SEMA3G: variants seen among roughly 807,000 people sequenced by gnomAD.
The protein encoded by SEMA3G is semaphorin-3G.
Under a neutral mutation model 86.2 loss-of-function variants are expected in SEMA3G, and 70 were observed. The observed-to-expected ratio is 0.81, with a 90% CI of 0.67 to 0.99. SEMA3G has a LOEUF of 0.99. Ranked by LOEUF, SEMA3G falls within the 50% of genes least tolerant of loss-of-function variation. The pLI is 0.00. For synonymous variants in SEMA3G, 416 were observed against 441.4 expected (o/e 0.94, Z 0.72); for missense variants, 1,002 against 1,072.4 (o/e 0.93, Z 0.92).
Position 52,440,834 on chromosome 3 carries a change from G to A in SEMA3G, c.929-11C>T, listed in dbSNP as rs1042044881. Reference sequence around the variant, plus strand: ...GCAGGAACACATCCTCTGGGGTAGAGAAAGGAGTATGAGTGTCATGGCCAC... The same window carrying A: ...GCAGGAACACATCCTCTGGGGTAGAAAAAGGAGTATGAGTGTCATGGCCAC... On this transcript the variant is annotated splice_polypyrimidine_tract_variant and intron_variant, in intron 8 of 15. Coordinates refer to ENST00000231721, the MANE Select transcript of SEMA3G (RefSeq NM_020163.3). 4 of 1,611,372 alleles carry A rather than the reference G, an allele frequency of 2.5e-6. No homozygotes were observed. The highest frequency in any genetic ancestry group is 1.7e-5 in the Admixed American group (1 of 59,968).
chr3:52,439,037 C>G, intron 12 of SEMA3G, 76 bp from the exon 13 acceptor site: 1 of 1,526,018 alleles, frequency 6.6e-7, no homozygotes, highest in Non-Finnish European at 8.9e-7. Context: ...TCAGTCTCCT[C>G]CAACCCTGGG....
At position 52,440,947 on chromosome 3, in the gene SEMA3G, G is replaced by A; in HGVS notation, c.915C>T (p.His305=). ...CCAGGCCCTCACCTAGCTGGTCAAA[G>A]TGGGTCTCGGCACCACCAGGGCCGG... ...SVPGPGGAET[H]FDQLEDVFLL... is the part of the protein sequence containing the mutation. Residue 305 remains histidine (H), a synonymous_variant, in exon 8 of 16, where the codon CAC becomes CAT. Coordinates refer to ENST00000231721, the MANE Select transcript of SEMA3G (RefSeq NM_020163.3). 6.2e-7 allele frequency: 1 copy of A among 1,605,398 alleles called. No individual in the cohort carries two copies. The highest frequency in any genetic ancestry group is 8.5e-7 in the Non-Finnish European group (1 of 1,177,366).
chr3:52,444,661 C>A (rs1285406190), intron 1 of SEMA3G, among the ~76,000 whole-genome samples: 1 of 145,702 alleles, frequency 6.9e-6, no homozygotes, highest in Non-Finnish European at 1.5e-5. Context: ...ACAGGGCACA[C>A]GCACACAAAC....
intron 13 of SEMA3G, chr3:52,438,417 G>C (rs969383414): frequency 7.1e-6 from 7 of 985,126 alleles, no homozygotes; most frequent in Admixed American, 1.2e-4. Context: ...CCAAGACCTG[G>C]GATGTTTTCT....
chr3:52,435,887 G>T lies in SEMA3G; in HGVS notation c.2065C>A (p.Pro689Thr). The stretch of plus-strand genomic sequence containing the variant: ...CCTCCCCGGGCTGGGGGCTCCTCTG[G>T]CTTTGGCTCCGGAGGGAACAGGTTG... ...LDNLFPPEPK[P>T]EEPPARGGLA... Residue 689 changes from proline (P) to threonine (T), a missense_variant, in exon 16 of 16, where the codon CCA becomes ACA. Physicochemically the swap from Pro to Thr is conservative, Grantham distance 38. Transcript: ENST00000231721. 1 of 1,614,080 alleles carries T rather than the reference G, an allele frequency of 6.2e-7. No homozygotes were observed. The highest frequency in any genetic ancestry group is 8.5e-7 in the Non-Finnish European group (1 of 1,180,044).
chr3:52,442,328 T>C lies in SEMA3G; in HGVS notation c.340-24A>G, dbSNP rs1446951559. On this transcript the variant is annotated intron_variant, in intron 3 of 15. Coordinates refer to ENST00000231721, the MANE Select transcript of SEMA3G (RefSeq NM_020163.3). This position sits in a 1 kb window ranked among gnomAD's most constrained non-coding sequence, Gnocchi z 6.1. The stretch of plus-strand genomic sequence containing the variant: ...GTCTGCGGGGAGAAGGAGGGGGTGG[T>C]TGAGGGGTGAGAGGGGGTGCCCACC... 1 of 1,556,626 alleles carries C rather than the reference T, an allele frequency of 6.4e-7. No homozygotes were observed. The highest frequency in any genetic ancestry group is 8.7e-7 in the Non-Finnish European group (1 of 1,145,792).
At chr3:52,440,631 A>G in intron 9 of SEMA3G, 110 bp from the exon 10 acceptor site, 1 of 1,470,050 alleles carries the variant, frequency 6.8e-7, no homozygotes, top group Non-Finnish European at 9.3e-7. Flanking sequence ...GCAAGCAGAG[A>G]CTCCGAAAAG....
chr3:52,441,094 G>T, intron 7 of SEMA3G, 46 bp from the exon 8 acceptor site: 1 of 1,512,206 alleles, frequency 6.6e-7, no homozygotes. Flanking sequence ...CACGAGGATG[G>T]GTCCCACCAT....
chr3:52,442,414 T>A lies in SEMA3G; in HGVS notation c.340-110A>T, dbSNP rs1578259311. 1.8e-6 allele frequency: 1 copy of A among 554,826 alleles called. No homozygotes were observed. Among genetic ancestry groups the A allele is most frequent in the Non-Finnish European group, 3.3e-6 (1 of 301,426 alleles). The allele number at this position is 554,826 out of a possible 1,614,324, so 34.4% of individuals were successfully genotyped here. A position where few individuals can be genotyped will look rare whatever the true frequency, so the allele number is the denominator to read the frequency against. On this transcript the variant is annotated intron_variant, in intron 3 of 15. Transcript: ENST00000231721. The surrounding 1 kb of genome is among the most constrained non-coding windows in gnomAD (Gnocchi z 6.1). Reference sequence around the variant, plus strand: ...GGTCAGCTCTGGGGAGGGGGGTGGGTGTGACATTCCCAGCAGACCTTCAAA... The same window carrying A: ...GGTCAGCTCTGGGGAGGGGGGTGGGAGTGACATTCCCAGCAGACCTTCAAA...
intron 15 of SEMA3G, among the ~76,000 whole-genome samples, chr3:52,437,017 G>A (rs1047622782): frequency 6.6e-6 from 1 of 152,228 alleles, no homozygotes; most frequent in African/African-American, 2.4e-5. Flanking sequence ...GAGAGGCCCT[G>A]AGCAGACAGC....
At position 52,442,922 on chromosome 3, in the gene SEMA3G, G is replaced by C; in HGVS notation, c.116-15C>G. On this transcript the variant is annotated splice_polypyrimidine_tract_variant and intron_variant, in intron 1 of 15. Coordinates refer to ENST00000231721, the MANE Select transcript of SEMA3G (RefSeq NM_020163.3). This position sits in a 1 kb window ranked among gnomAD's most constrained non-coding sequence, Gnocchi z 6.1. Reference sequence around the variant, plus strand: ...AGACAGGAGGTCTAGGAGGATGTATGGGGAGGCAGATCAGGGCCACAGCTC... The same window carrying C: ...AGACAGGAGGTCTAGGAGGATGTATCGGGAGGCAGATCAGGGCCACAGCTC... 1.9e-6 allele frequency: 3 copies of C among 1,578,444 alleles called. No homozygotes were observed. The highest frequency in any genetic ancestry group is 2.6e-6 in the Non-Finnish European group (3 of 1,162,060).
rs1362023876 is a variant in SEMA3G, at chr3:52,440,005, G to A, written c.1237C>T (p.Leu413Phe). 3.1e-6 allele frequency: 5 copies of A among 1,612,794 alleles called. No homozygotes were observed. In the East Asian group the frequency reaches 6.7e-5, roughly 22 times the overall value. ...CGAGGCCGCACAGGCCAGAACATGA[G>A]GGGGTGGGCTCGGGCAAACTGCAGC... is the stretch of plus-strand genomic sequence containing the variant. ...EVLQFARAHP[L>F]MFWPVRPRHG... Residue 413 changes from leucine (L) to phenylalanine (F), a missense_variant, in exon 11 of 16, where the codon CTC (leucine) becomes TTC (phenylalanine). Physicochemically the swap from Leu to Phe is conservative, Grantham distance 22. Coordinates refer to ENST00000231721, the MANE Select transcript of SEMA3G (RefSeq NM_020163.3).
intron 13 of SEMA3G, chr3:52,438,418 G>T (rs1706088732): frequency 2.0e-6 from 2 of 985,206 alleles, no homozygotes; most frequent in African/African-American, 3.5e-5. Flanking sequence ...CAAGACCTGG[G>T]ATGTTTTCTC....
At chr3:52,441,104 T>A in intron 7 of SEMA3G, 56 bp from the exon 8 acceptor site, 2 of 1,489,540 alleles carry the variant, frequency 1.3e-6, no homozygotes, top group Admixed American at 1.8e-5. Flanking sequence ...GGTCCCACCA[T>A]CCACTCTTCT....
rs1391279171 is a variant in SEMA3G at position 52,433,655 on chromosome 3, G to A, written c.*1948C>T. 1 of 152,620 alleles carries A rather than the reference G, an allele frequency of 6.6e-6. No individual in the cohort carries two copies. Among genetic ancestry groups the A allele is most frequent in the Non-Finnish European group, 1.5e-5 (1 of 68,040 alleles). The allele number at this position is 152,620 out of a possible 1,614,324, so 9.5% of individuals were successfully genotyped here. A position where few individuals can be genotyped will look rare whatever the true frequency, so the allele number is the denominator to read the frequency against. On this transcript the variant is annotated 3_prime_UTR_variant, in exon 16 of 16. Coordinates refer to ENST00000231721, the MANE Select transcript of SEMA3G (RefSeq NM_020163.3). ...CTTCGTTTTCTAGAGTAACTTCCCA[G>A]AGGACCCTGCCTGGAGCCTGCCAAG...
At position 52,437,521 on chromosome 3, in the gene SEMA3G, A is replaced by AGGCCC. The variant is rs1706068031; in HGVS notation, c.1878+5_1878+6insGGGCC. The AGGCCC allele has an allele frequency of 6.2e-7, 1 of 1,609,918 alleles. No individual in the cohort carries two copies. Among genetic ancestry groups the AGGCCC allele is most frequent in the Non-Finnish European group, 8.5e-7 (1 of 1,178,158 alleles). Reference sequence around the variant, plus strand: ...AGAGGCTAGAGGCAGGGGTCTCCTCACTCACCTGGTCAGGCCCCTCATCCC... The same window carrying AGGCCC: ...AGAGGCTAGAGGCAGGGGTCTCCTCAGGCCCCTCACCTGGTCAGGCCCCTCATCCC... On this transcript the variant is annotated splice_donor_region_variant and intron_variant, in intron 15 of 15. Transcript: ENST00000231721.
In SEMA3G at chr3:52,435,251, T is replaced by C. The variant is rs984457473; in HGVS notation, c.*352A>G. ...CTCTGAGGGTCACTCAGAATGGCCATTGTTCTGTAGGCTGGGAAAGAACCA... is the reference window on the plus strand; with the variant it reads ...CTCTGAGGGTCACTCAGAATGGCCACTGTTCTGTAGGCTGGGAAAGAACCA... On this transcript the variant is annotated 3_prime_UTR_variant, in exon 16 of 16. Coordinates refer to ENST00000231721, the MANE Select transcript of SEMA3G (RefSeq NM_020163.3). The C allele has an allele frequency of 3.7e-5, 11 of 298,794 alleles. No homozygotes were observed. Among genetic ancestry groups the C allele is most frequent in the African/African-American group, 8.6e-5 (4 of 46,276 alleles). The allele number at this position is 298,794 out of a possible 1,614,324, so 18.5% of individuals were successfully genotyped here.
rs1490883824 is a variant in SEMA3G at position 52,441,280 on chromosome 3, A to ACGCGGCTGACAGTGAGC, written c.796_797insGCTCACTGTCAGCCGCG (p.Val266GlyfsTer12). On this transcript the variant is annotated frameshift_variant, in exon 7 of 16. Coordinates refer to ENST00000231721, the MANE Select transcript of SEMA3G (RefSeq NM_020163.3). LOFTEE classifies it high-confidence loss of function. ...AGCTCTTACCACGCAGACGCGGCCC[A>ACGCGGCTGACAGTGAGC]CGCGGCTGACAGTGACATGGTTCGA... The ACGCGGCTGACAGTGAGC allele has an allele frequency of 1.9e-6, 3 of 1,613,298 alleles. No individual in the cohort carries two copies. The African/African-American group carries it at 4.0e-5, about 22-fold the overall frequency.
Position 52,435,640 on chromosome 3 carries a change from TC to T in SEMA3G, c.2311del (p.Glu771SerfsTer39), listed in dbSNP as rs778015070. 5 of 1,613,650 alleles carry T rather than the reference TC, an allele frequency of 3.1e-6. No homozygotes were observed. In the Admixed American group the frequency reaches 8.3e-5, roughly 27 times the overall value. On this transcript the variant is annotated frameshift_variant, in exon 16 of 16. Coordinates refer to ENST00000231721, the MANE Select transcript of SEMA3G (RefSeq NM_020163.3). LOFTEE classifies it high-confidence loss of function. Reference sequence around the variant, plus strand: ...CACCTCCCGGGGCGTCCGATTGTGCTCGGCATGCACCCGGCTCTTCATCTTC... The same window carrying T: ...CACCTCCCGGGGCGTCCGATTGTGCTGGCATGCACCCGGCTCTTCATCTTC... ...GKKMKSRVHA[E>X]HNRTPREVEA...
Sources: allele counts gnomAD v4.1 joint callset (sites outside exome capture counted in the v4.1 genomes callset), GRCh38; gene constraint gnomAD v4.1.1; non-coding constraint Gnocchi (gnomAD v3.1); transcripts MANE v1.5; gene names NCBI Gene and HGNC (gene_info 2026-07-23, HGNC 2026-07-21).